The following ARB2A variants were observed in gnomAD, a reference collection of about 807,000 sequenced individuals.
ARB2A encodes ARB2 cotranscriptional regulator A.
the ARB2A span, among the ~76,000 whole-genome samples, chr5:93,972,992 G>A: frequency 4.5e-4 from 68 of 151,522 alleles, 1 homozygote; most frequent in Admixed American, 2.8e-3. Flanking sequence ...TCTGTTGCCC[G>A]AGCTGGAATG....
At chr5:94,096,868 T>C in the ARB2A span, among the ~76,000 whole-genome samples, 1 of 152,078 alleles carries the variant, frequency 6.6e-6, no homozygotes, top group African/African-American at 2.4e-5. Context: ...AGCACCAGGA[T>C]TCATTTCTGG....
the ARB2A span, among the ~76,000 whole-genome samples, chr5:93,926,921 T>A: frequency 6.6e-6 from 1 of 151,332 alleles, no homozygotes; most frequent in African/African-American, 2.4e-5. Context: ...GAGAACTGAA[T>A]AGGATGTAAG....
At chr5:94,046,120 G>C in the ARB2A span, among the ~76,000 whole-genome samples, 2 of 152,164 alleles carry the variant, frequency 1.3e-5, no homozygotes, top group Non-Finnish European at 2.9e-5. Flanking sequence ...AAGAATAGTA[G>C]TTGGTTAAAT....
chr5:93,920,919 T>G, the ARB2A span, among the ~76,000 whole-genome samples: 1 of 152,048 alleles, frequency 6.6e-6, no homozygotes, highest in Non-Finnish European at 1.5e-5. Context: ...CAGTAAAAAG[T>G]GATTTCTCAC....
At chr5:93,990,035 T>C in the ARB2A span, among the ~76,000 whole-genome samples, 1 of 152,060 alleles carries the variant, frequency 6.6e-6, no homozygotes, top group African/African-American at 2.4e-5. Flanking sequence ...ACATCTAAGG[T>C]AGACCAATAG....
At chr5:93,787,134 T>C in the ARB2A span, among the ~76,000 whole-genome samples, 1 of 152,278 alleles carries the variant, frequency 6.6e-6, no homozygotes, top group South Asian at 2.1e-4. Context: ...GAGGAGAAGA[T>C]CTTTAACTTT....
the ARB2A span, among the ~76,000 whole-genome samples, chr5:93,664,192 C>T: frequency 2.6e-5 from 4 of 151,832 alleles, no homozygotes; most frequent in African/African-American, 7.3e-5. Context: ...AGGATCCTCC[C>T]GCCTCAGCTT....
At chr5:94,059,743 A>G in the ARB2A span, among the ~76,000 whole-genome samples, 1 of 151,538 alleles carries the variant, frequency 6.6e-6, no homozygotes, top group African/African-American at 2.4e-5. Flanking sequence ...ACATTTTTCA[A>G]CTAAAAAAAA....
the ARB2A span, chr5:93,805,736 G>T: frequency 3.0e-6 from 3 of 985,034 alleles, no homozygotes; most frequent in Non-Finnish European, 2.4e-6. Context: ...AAATGCATAT[G>T]TATACCTATT....
chr5:93,777,718 C>G, the ARB2A span, among the ~76,000 whole-genome samples: 1 of 152,130 alleles, frequency 6.6e-6, no homozygotes, highest in Non-Finnish European at 1.5e-5. Flanking sequence ...TCCGTCCTCA[C>G]TGTGGAAAGA....
the ARB2A span, among the ~76,000 whole-genome samples, chr5:93,965,986 C>T: frequency 6.6e-6 from 1 of 151,922 alleles, no homozygotes; most frequent in Non-Finnish European, 1.5e-5. Flanking sequence ...TAATAAAATG[C>T]TAGTTATTAA....
At chr5:93,848,597 T>A in the ARB2A span, among the ~76,000 whole-genome samples, 1 of 152,186 alleles carries the variant, frequency 6.6e-6, no homozygotes, top group African/African-American at 2.4e-5. Flanking sequence ...ATTCTGACCA[T>A]TGCAATCACT....
At chr5:93,891,925 C>T in the ARB2A span, among the ~76,000 whole-genome samples, 1 of 152,130 alleles carries the variant, frequency 6.6e-6, no homozygotes, top group Non-Finnish European at 1.5e-5. Flanking sequence ...ATTTACAGCA[C>T]TACAGCTAAG....
At chr5:93,824,115 A>G in the ARB2A span, 2 of 1,502,496 alleles carry the variant, frequency 1.3e-6, no homozygotes, top group Non-Finnish European at 1.8e-6. Context: ...CTACAAGGAG[A>G]CTGGAACTAC....
chr5:93,777,164 G>C, the ARB2A span, among the ~76,000 whole-genome samples: 4 of 139,022 alleles, frequency 2.9e-5, no homozygotes, highest in Non-Finnish European at 6.2e-5. Context: ...GTTGTGGGGT[G>C]GGGGGAGGGG....
At chr5:93,785,194 G>T in the ARB2A span, among the ~76,000 whole-genome samples, 3 of 152,184 alleles carry the variant, frequency 2.0e-5, no homozygotes, top group East Asian at 5.8e-4. Context: ...TCAGTGGTCT[G>T]CCAGATAAAG....
the ARB2A span, among the ~76,000 whole-genome samples, chr5:93,622,697 C>T: frequency 6.6e-6 from 1 of 152,140 alleles, no homozygotes. Context: ...GTCATATCCC[C>T]CAACTCAGAC....
the ARB2A span, among the ~76,000 whole-genome samples, chr5:93,677,905 C>T: frequency 4.6e-5 from 7 of 152,136 alleles, no homozygotes; most frequent in Admixed American, 4.6e-4. Flanking sequence ...CTACCTCTTA[C>T]CCACTGTGTA....
chr5:93,726,876 G>T, the ARB2A span, among the ~76,000 whole-genome samples: 1 of 151,858 alleles, frequency 6.6e-6, no homozygotes, highest in African/African-American at 2.4e-5. Context: ...TATAATAGTG[G>T]CATTTTAAAA....
Sources: allele counts gnomAD v4.1 joint callset (sites outside exome capture counted in the v4.1 genomes callset), GRCh38; gene constraint gnomAD v4.1.1; transcripts MANE v1.5; gene names NCBI Gene and HGNC (gene_info 2026-07-23, HGNC 2026-07-21).